Variants in ENTPD6 observed in about 807,000 individuals in gnomAD.
ENTPD6 encodes the protein CD39 antigen-like 2.
ENTPD6 carries 46 observed loss-of-function variants against 61.5 expected under a neutral mutation model. The observed-to-expected ratio is 0.75, with a 90% CI of 0.59 to 0.96. ENTPD6 has a LOEUF of 0.96. ENTPD6 is among the 40% of genes least tolerant of loss of function. The pLI, the probability that ENTPD6 is intolerant of heterozygous loss-of-function variation, is 0.00. For synonymous variants in ENTPD6, 252 were observed against 255.5 expected (o/e 0.99, Z 0.13); for missense variants, 612 against 629.0 (o/e 0.97, Z 0.29).
At chr20:25,212,109 C>T (rs902349011) in intron 4 of ENTPD6, among the ~76,000 whole-genome samples, 4 of 152,164 alleles carry the variant, frequency 2.6e-5, no homozygotes, top group African/African-American at 9.7e-5. Flanking sequence ...ATAGGAGGAA[C>T]GTGTTTTTCC....
rs373065186 is a variant in ENTPD6, at chr20:25,218,737, C to T, written c.943+123C>T. 229 of 973,360 alleles carry T rather than the reference C, an allele frequency of 2.4e-4. No individual in the cohort carries two copies. In the African/African-American group the frequency reaches 3.5e-3, roughly 15 times the overall value. The allele number at this position is 973,360 out of a possible 1,614,324, so 60.3% of individuals were successfully genotyped here. ...GCAGGAGAGGTCCCTCTGCCCCTCC[C>T]ACCCCACTGCTGTCCCGCTGCATGC... is the stretch of plus-strand genomic sequence containing the variant. On this transcript the variant is annotated intron_variant, in intron 10 of 14. Transcript: ENST00000376652.
chr20:25,215,758 C>G lies in ENTPD6; in HGVS notation c.709+47C>G, dbSNP rs373739975. On this transcript the variant is annotated intron_variant, in intron 7 of 14. Transcript: ENST00000376652. ...GAGGCTAGCCGATCACAGACACCTG[C>G]GGAGGGCTCGACTGGGCCTTTCGAG... is the stretch of plus-strand genomic sequence containing the variant. 11 of 1,594,392 alleles carry G rather than the reference C, an allele frequency of 6.9e-6. No individual in the cohort carries two copies. The South Asian group carries it at 1.2e-4, about 18-fold the overall frequency.
At chr20:25,205,140 C>A (rs1203582378) in intron 1 of ENTPD6, among the ~76,000 whole-genome samples, 1 of 152,164 alleles carries the variant, frequency 6.6e-6, no homozygotes, top group Non-Finnish European at 1.5e-5. Flanking sequence ...TGGGCAGCAG[C>A]AGCACAAGAC....
chr20:25,214,906 G>T lies in ENTPD6; in HGVS notation c.637G>T (p.Asp213Tyr). The T allele has an allele frequency of 6.2e-7, 1 of 1,608,502 alleles. No homozygotes were observed. Among genetic ancestry groups the T allele is most frequent in the Non-Finnish European group, 8.5e-7 (1 of 1,174,922 alleles). ...TAAAGCATCGCCTTTCCTTGTAGGG[G>T]ATGACTGTGTTTCCATCATGAACGG... ...VFKASPFLVGDDCVSIMNGTD... is the reference protein window; with the variant it reads ...VFKASPFLVGYDCVSIMNGTD... The change falls in exon 6 of 15, where the codon GAT (aspartate) becomes TAT (tyrosine). Residue 213 changes from aspartate to tyrosine, a missense_variant. Transcript: ENST00000376652.
In ENTPD6 at chr20:25,215,677, C is replaced by T. The variant is rs539027811; in HGVS notation, c.675C>T (p.Gly225=). Residue 225 remains glycine (G), a splice_region_variant and synonymous_variant, in exon 7 of 15, where the codon GGC becomes GGT. Transcript: ENST00000376652. The part of the protein sequence containing the change: ...CVSIMNGTDE[G]VSAWITINFL... ...AATGCCTGTGACACTCTCTTGCAGGCGTTTCGGCGTGGATCACCATCAACT... is the reference window on the plus strand; with the variant it reads ...AATGCCTGTGACACTCTCTTGCAGGTGTTTCGGCGTGGATCACCATCAACT... The T allele has an allele frequency of 6.2e-6, 10 of 1,614,192 alleles. No homozygotes were observed. The highest frequency in any genetic ancestry group is 5.5e-5 in the South Asian group (5 of 91,086).
intron 12 of ENTPD6, 57 bp downstream of exon 12, chr20:25,223,035 G>GGGGGGGGC: frequency 1.8e-6 from 2 of 1,109,616 alleles, no homozygotes; most frequent in Non-Finnish European, 2.6e-6. Flanking sequence ...GGCGGGGGTG[G>GGGGGGGGC]AGGGCGTGTG....
Position 25,226,756 on chromosome 20 carries a change from A to G in ENTPD6, c.*1159A>G, listed in dbSNP as rs2092803277. 6.6e-6 allele frequency: 1 copy of G among 152,294 alleles called. No individual in the cohort carries two copies. 9.4% of individuals were successfully genotyped at this position (152,294 alleles called of 1,614,324 possible). ...ATTCCTCTCGTTGAGCGACAGTAGC[A>G]TTTGCCCACCTGGCACCTGAGATCC... On this transcript the variant is annotated 3_prime_UTR_variant, in exon 15 of 15. Coordinates refer to ENST00000376652, the MANE Select transcript of ENTPD6 (RefSeq NM_001247.5).
In ENTPD6 at chr20:25,222,831, T is replaced by TC. The variant is rs1407585656; in HGVS notation, c.1046-3dup. 1 of 1,612,692 alleles carries TC rather than the reference T, an allele frequency of 6.2e-7. No individual in the cohort carries two copies. Among genetic ancestry groups the TC allele is most frequent in the Non-Finnish European group, 8.5e-7 (1 of 1,179,242 alleles). ...CCACTGACCGCTAGCCTTGTGCTTG[T>TC]CCCCAGCGGCAAGCCTGCACGAGCT... is the stretch of plus-strand genomic sequence containing the variant. On this transcript the variant is annotated splice_region_variant and splice_polypyrimidine_tract_variant and intron_variant, in intron 11 of 14. Transcript: ENST00000376652.
intron 1 of ENTPD6, among the ~76,000 whole-genome samples, chr20:25,200,868 T>G (rs1186078687): frequency 1.3e-5 from 2 of 152,190 alleles, no homozygotes; most frequent in Non-Finnish European, 2.9e-5. Context: ...TTATGTTTAG[T>G]TTGTTCTTTT....
Position 25,218,599 on chromosome 20 carries a change from G to T in ENTPD6, c.928G>T (p.Val310Leu), listed in dbSNP as rs141271331. Residue 310 changes from valine (V) to leucine (L), a missense_variant, in exon 10 of 15, where the codon GTG becomes TTG. Val to Leu is a conservative substitution (Grantham distance 32). Coordinates refer to ENST00000376652, the MANE Select transcript of ENTPD6 (RefSeq NM_001247.5). ...MSARLAILGG[V>L]EGQPAKDGKE... ...GGCACGCCTGGCGATCCTGGGCGGC[G>T]TGGAGGGGCAGCCTGGTGAGTGGAC... 1.9e-6 allele frequency: 3 copies of T among 1,606,742 alleles called. No individual in the cohort carries two copies. The highest frequency in any genetic ancestry group is 2.5e-6 in the Non-Finnish European group (3 of 1,178,598).
At chr20:25,204,703 G>C (rs142664564) in intron 1 of ENTPD6, among the ~76,000 whole-genome samples, 67 of 152,330 alleles carry the variant, frequency 4.4e-4, no homozygotes, top group Middle Eastern at 6.8e-3. Flanking sequence ...GCCCAAGACA[G>C]ATTAGGATGT....
At position 25,206,552 on chromosome 20, in the gene ENTPD6, C is replaced by G. The variant is rs1219266111; in HGVS notation, c.16C>G (p.Arg6Gly). ...GGCTATGTGAATGAAAAAAGGTATC[C>G]GTTATGAAACTTCCAGAAAAACGAG... Reference protein sequence around the residue: MKKGIRYETSRKTSYI... With the variant: MKKGIGYETSRKTSYI... The change falls in exon 2 of 15, where the codon CGT (arginine) becomes GGT (glycine). Residue 6 changes from arginine (R) to glycine (G), a missense_variant. Arg to Gly is a moderately radical substitution (Grantham distance 125). Transcript: ENST00000376652. 6.2e-7 allele frequency: 1 copy of G among 1,613,690 alleles called. No homozygotes were observed. The highest frequency in any genetic ancestry group is 8.5e-7 in the Non-Finnish European group (1 of 1,179,618).
intron 1 of ENTPD6, among the ~76,000 whole-genome samples, chr20:25,198,395 A>G (rs535213865): frequency 1.1e-4 from 16 of 152,148 alleles, no homozygotes; most frequent in African/African-American, 3.9e-4. Context: ...AGAATTGCTT[A>G]ACCTGGGAGG....
At chr20:25,205,516 G>A (rs548577079) in intron 1 of ENTPD6, among the ~76,000 whole-genome samples, 1 of 85,940 alleles carries the variant, frequency 1.2e-5, no homozygotes, top group African/African-American at 2.8e-5. Context: ...GGGCCAGCAG[G>A]GACAGGGGCC....
chr20:25,209,999 G>A (rs1301397439), intron 4 of ENTPD6, 74 bp downstream of exon 4: 1 of 1,315,922 alleles, frequency 7.6e-7, no homozygotes. Context: ...TTTGAATGTG[G>A]TAGGCTGTCT....
chr20:25,198,213 C>G (rs1179561215), intron 1 of ENTPD6, among the ~76,000 whole-genome samples: 1 of 152,150 alleles, frequency 6.6e-6, no homozygotes, highest in Admixed American at 6.5e-5. Context: ...CGGTGTCTCA[C>G]ACCTGTAATT....
chr20:25,199,510 AC>A (rs2090852528), intron 1 of ENTPD6, among the ~76,000 whole-genome samples: 1 of 152,218 alleles, frequency 6.6e-6, no homozygotes, highest in Non-Finnish European at 1.5e-5. Flanking sequence ...TACACATAAC[AC>A]AAAAATTAGC....
intron 1 of ENTPD6, among the ~76,000 whole-genome samples, chr20:25,199,677 CTCTG>C (rs751197621): frequency 2.0e-5 from 3 of 151,294 alleles, no homozygotes; most frequent in Non-Finnish European, 2.9e-5. Flanking sequence ...CCCTTCTACT[CTCTG>C]TCTGTGTGAT....
intron 7 of ENTPD6, 88 bp from the exon 8 acceptor site, chr20:25,216,560 C>G: frequency 2.2e-6 from 2 of 909,910 alleles, no homozygotes; most frequent in Admixed American, 4.2e-5. Context: ...TTTTCTTTCC[C>G]CTGAGGGCCT....
Sources: gnomAD v4.1 joint callset for allele counts (sites outside exome capture counted in the v4.1 genomes callset) on GRCh38, gnomAD v4.1.1 for gene constraint, MANE v1.5 for transcripts, NCBI Gene and HGNC (gene_info 2026-07-23, HGNC 2026-07-21) for gene names.